Variants in RPS6KC1 observed in about 807,000 individuals in gnomAD.
The protein encoded by RPS6KC1 is ribosomal protein S6 kinase C1, also known as inactive ribosomal protein S6 kinase delta-1.
A neutral mutation model predicts 103.8 loss-of-function variants in RPS6KC1; 54 were observed. That is an observed-to-expected ratio of 0.52 (90% CI 0.42 to 0.65). The LOEUF (loss-of-function observed/expected upper bound fraction) is 0.65, where lower values mean the gene tolerates loss of function less well. Ranked by LOEUF, RPS6KC1 falls within the 30% of genes least tolerant of loss-of-function variation. The pLI, the probability that RPS6KC1 is intolerant of heterozygous loss-of-function variation, is 0.00. For synonymous variants in RPS6KC1, 439 were observed against 438.7 expected, an observed-to-expected ratio of 1.00 and a Z score of -0.01; for missense variants, 1,151 against 1,253.8, an observed-to-expected ratio of 0.92 and a Z score of 1.24.
chr1:213,820,169 G>C, the RPS6KC1 span: 1 of 152,202 alleles, frequency 6.6e-6, no homozygotes, highest in African/African-American at 2.4e-5. Context: ...CTTCCTCCTA[G>C]TTATCCTCCA....
the RPS6KC1 span, among the ~76,000 whole-genome samples, chr1:213,384,716 G>A: frequency 6.6e-6 from 1 of 152,182 alleles, no homozygotes; most frequent in South Asian, 2.1e-4. Flanking sequence ...ACAAGGAAAT[G>A]CCTTGGGTTT....
chr1:213,653,644 T>C, the RPS6KC1 span, among the ~76,000 whole-genome samples: 4 of 152,226 alleles, frequency 2.6e-5, no homozygotes, highest in Non-Finnish European at 5.9e-5. Flanking sequence ...GTTTGTGTAA[T>C]TAATTGATCA....
the RPS6KC1 span, among the ~76,000 whole-genome samples, chr1:213,695,099 T>G: frequency 6.6e-6 from 1 of 152,226 alleles, no homozygotes; most frequent in Non-Finnish European, 1.5e-5. Flanking sequence ...ATTCATTCAC[T>G]GCTATATTCC....
the RPS6KC1 span, among the ~76,000 whole-genome samples, chr1:213,787,682 A>G: frequency 6.6e-6 from 1 of 152,184 alleles, no homozygotes. Flanking sequence ...GGAGGGAATA[A>G]GAGTTCTGCT....
At chr1:213,329,643 C>T in the RPS6KC1 span, among the ~76,000 whole-genome samples, 2 of 151,990 alleles carry the variant, frequency 1.3e-5, no homozygotes, top group African/African-American at 4.8e-5. Flanking sequence ...CTTTCCCACT[C>T]CCCGGCTGGC....
intron 3 of RPS6KC1, among the ~76,000 whole-genome samples, chr1:213,099,653 C>T (rs1371807989): frequency 6.6e-6 from 1 of 152,136 alleles, no homozygotes; most frequent in African/African-American, 2.4e-5. Context: ...CTTGCCCCTT[C>T]CCTGTCAATC....
the RPS6KC1 span, among the ~76,000 whole-genome samples, chr1:213,858,489 G>A: frequency 1.3e-5 from 2 of 152,116 alleles, no homozygotes; most frequent in African/African-American, 4.8e-5. Context: ...CAGCCTCAAA[G>A]AGGTCAGTAA....
chr1:213,129,399 T>C (rs899122083), intron 5 of RPS6KC1, 128 bp from the exon 6 acceptor site: 1 of 998,352 alleles, frequency 1.0e-6, no homozygotes, highest in African/African-American at 1.6e-5. Flanking sequence ...AGACACTGAC[T>C]TCCATCAGTA....
At chr1:213,141,182 C>G (rs904692898) in intron 6 of RPS6KC1, among the ~76,000 whole-genome samples, 10 of 152,228 alleles carry the variant, frequency 6.6e-5, no homozygotes, top group African/African-American at 1.9e-4. Context: ...CAGGCATGAG[C>G]CACCATGCTT....
rs2091124581 is a variant in RPS6KC1, at chr1:213,167,817, AGGAAAATTTATTTTTTACATGTCC to A, written c.836-40_836-17del. 1.1e-5 allele frequency: 15 copies of A among 1,330,760 alleles called. No individual in the cohort carries two copies. The Admixed American group carries it at 2.5e-4, about 23-fold the overall frequency. 82.4% of individuals were successfully genotyped at this position (1,330,760 alleles called of 1,614,324 possible). On this transcript the variant is annotated splice_polypyrimidine_tract_variant and intron_variant, in intron 6 of 14. Coordinates refer to ENST00000366960, the MANE Select transcript of RPS6KC1 (RefSeq NM_012424.6). ...GGAAGTTAATTTTCAGGTTGAACTG[AGGAAAATTTATTTTTTACATGTCC>A]AGACTTTTTTTTTTAGGAGAGTCAA...
chr1:213,632,778 G>A, the RPS6KC1 span, among the ~76,000 whole-genome samples: 4 of 152,128 alleles, frequency 2.6e-5, no homozygotes, highest in Admixed American at 1.3e-4. Flanking sequence ...CAAACCCATC[G>A]CAAGGAATCT....
chr1:213,071,034 T>C lies in RPS6KC1; in HGVS notation c.134T>C (p.Val45Ala). The change falls in exon 2 of 15, where the codon GTC (valine) becomes GCC (alanine). Residue 45 changes from valine (V) to alanine (A), a missense_variant. By Grantham distance (64) the Val-to-Ala change is moderately conservative. Coordinates refer to ENST00000366960, the MANE Select transcript of RPS6KC1 (RefSeq NM_012424.6). ...GTTTCACGAAGAAATCCAGAGGATGTCCAGGAGGTAACATTTATATGAAGA... is the reference window on the plus strand; with the variant it reads ...GTTTCACGAAGAAATCCAGAGGATGCCCAGGAGGTAACATTTATATGAAGA... ...RVVSRRNPED[V>A]QEIIVWKRYS... 1 of 1,541,634 alleles carries C rather than the reference T, an allele frequency of 6.5e-7. No homozygotes were observed. The highest frequency in any genetic ancestry group is 8.8e-7 in the Non-Finnish European group (1 of 1,132,336).
chr1:213,104,972 T>A (rs1321275543), intron 4 of RPS6KC1, among the ~76,000 whole-genome samples: 1 of 152,058 alleles, frequency 6.6e-6, no homozygotes, highest in Non-Finnish European at 1.5e-5. Flanking sequence ...TTAAAAAAAA[T>A]GAAGCATCAT....
the RPS6KC1 span, among the ~76,000 whole-genome samples, chr1:213,491,858 C>T: frequency 6.6e-6 from 1 of 152,150 alleles, no homozygotes; most frequent in Non-Finnish European, 1.5e-5. Flanking sequence ...GGGATTGAGT[C>T]TCCACGTTTT....
At chr1:213,821,769 G>C in the RPS6KC1 span, 1 of 152,214 alleles carries the variant, frequency 6.6e-6, no homozygotes, top group Non-Finnish European at 1.5e-5. Context: ...AGGGCACACA[G>C]ATCTCATTTT....
chr1:213,635,954 A>G, the RPS6KC1 span, among the ~76,000 whole-genome samples: 7 of 152,252 alleles, frequency 4.6e-5, no homozygotes, highest in Non-Finnish European at 8.8e-5. Context: ...AAAAATCACA[A>G]GCATTCCTAT....
At chr1:213,508,734 T>C in the RPS6KC1 span, among the ~76,000 whole-genome samples, 1 of 152,206 alleles carries the variant, frequency 6.6e-6, no homozygotes, top group African/African-American at 2.4e-5. Context: ...TCTGGTCAAA[T>C]GATTGACACC....
the RPS6KC1 span, among the ~76,000 whole-genome samples, chr1:213,490,547 G>C: frequency 6.6e-6 from 1 of 152,210 alleles, no homozygotes; most frequent in Non-Finnish European, 1.5e-5. Context: ...ACAATGGTTC[G>C]GCTTCCAGTG....
chr1:213,554,639 G>A, the RPS6KC1 span, among the ~76,000 whole-genome samples: 4 of 152,188 alleles, frequency 2.6e-5, no homozygotes, highest in African/African-American at 4.8e-5. Flanking sequence ...TCCATGTTGC[G>A]TGTTGCACTT....
Sources: allele counts gnomAD v4.1 joint callset (sites outside exome capture counted in the v4.1 genomes callset), GRCh38; gene constraint gnomAD v4.1.1; transcripts MANE v1.5; gene names NCBI Gene and HGNC (gene_info 2026-07-23, HGNC 2026-07-21).